Variants in SMG1 observed in about 807,000 individuals in gnomAD.
SMG1 encodes the protein serine/threonine-protein kinase SMG1.
In SMG1, 22 loss-of-function variants were observed where a neutral mutation model predicts 419.9. The observed-to-expected ratio is 0.05, with a 90% CI of 0.04 to 0.07. SMG1 has a LOEUF of 0.07. Among genes scored for constraint, SMG1 ranks in the 10% least tolerant of loss-of-function variants. SMG1 has a pLI of 1.00. For synonymous variants in SMG1, 1,538 were observed against 1,553.5 expected (o/e 0.99, Z 0.23); for missense variants, 3,185 against 4,342.0 (o/e 0.73, Z 7.49).
Position 18,841,917 on chromosome 16 carries a change from A to G in SMG1, c.6467-123T>C, listed in dbSNP as rs892595509. The G allele has an allele frequency of 3.6e-6, 3 of 826,144 alleles. No homozygotes were observed. In the African/African-American group the frequency reaches 5.1e-5, roughly 14 times the overall value. The allele number at this position is 826,144 out of a possible 1,614,324, so 51.2% of individuals were successfully genotyped here. ...ACAGTCCATGAGGCACACTGAGAGCATTAAAGAATTCTATTTTGGGACAAG... is the reference window on the plus strand; with the variant it reads ...ACAGTCCATGAGGCACACTGAGAGCGTTAAAGAATTCTATTTTGGGACAAG... On this transcript the variant is annotated intron_variant, in intron 40 of 62. Transcript: ENST00000446231.
At chr16:18,907,732 G>T (rs2037621328) in intron 1 of SMG1, among the ~76,000 whole-genome samples, 1 of 148,148 alleles carries the variant, frequency 6.8e-6, no homozygotes, top group Non-Finnish European at 1.5e-5. Flanking sequence ...AGCGCCTGTA[G>T]TCCCAGCTAC....
intron 25 of SMG1, chr16:18,861,076 T>G (rs1323216689): frequency 7.0e-6 from 2 of 286,010 alleles, no homozygotes; most frequent in South Asian, 4.0e-5. Context: ...TCTCTTCAGA[T>G]CCTAACACAC....
chr16:18,914,776 AT>A (rs1277728639), intron 1 of SMG1, among the ~76,000 whole-genome samples: 1 of 152,168 alleles, frequency 6.6e-6, no homozygotes, highest in Non-Finnish European at 1.5e-5. Flanking sequence ...TTCTAATGGG[AT>A]GCCAGAAGGC....
chr16:18,849,601 G>C (rs2034478590), intron 35 of SMG1, among the ~76,000 whole-genome samples: 1 of 152,150 alleles, frequency 6.6e-6, no homozygotes, highest in African/African-American at 2.4e-5. Flanking sequence ...TCAAAGTCCA[G>C]GGCAGCTCAA....
At chr16:18,833,694 T>C (rs1246129224) in intron 50 of SMG1, among the ~76,000 whole-genome samples, 1 of 152,214 alleles carries the variant, frequency 6.6e-6, no homozygotes. Context: ...AAAATCAGCA[T>C]ACCGACTACC....
At chr16:18,893,157 G>A (rs2036959565) in intron 3 of SMG1, among the ~76,000 whole-genome samples, 1 of 152,168 alleles carries the variant, frequency 6.6e-6, no homozygotes, top group Non-Finnish European at 1.5e-5. Flanking sequence ...TCATTTCCCT[G>A]GGATGAAGTT....
intron 11 of SMG1, chr16:18,878,860 A>C (rs1001020677): frequency 6.5e-6 from 1 of 154,110 alleles, no homozygotes. Context: ...AATACAAAAA[A>C]TTAGCCAGGT....
At chr16:18,925,115 T>C (rs2038341005) in intron 1 of SMG1, 1 of 152,140 alleles carries the variant, frequency 6.6e-6, no homozygotes, top group African/African-American at 2.4e-5. Flanking sequence ...TTAGAATAAA[T>C]CAGTCCTAAA....
intron 5 of SMG1, 98 bp from the exon 6 acceptor site, chr16:18,889,683 G>C: frequency 1.7e-6 from 1 of 577,684 alleles, no homozygotes; most frequent in Non-Finnish European, 3.1e-6. Context: ...GTCTTAAGTG[G>C]TTTTTTAAAT....
Position 18,811,928 on chromosome 16 carries a change from T to A in SMG1, c.10801+20A>T. ...TCATTTTATATAAAAATTTAAGGCA[T>A]CTTTATTCTAACTAATTACCTTTCC... On this transcript the variant is annotated intron_variant, in intron 61 of 62. Coordinates refer to ENST00000446231, the MANE Select transcript of SMG1 (RefSeq NM_015092.5). 1 of 1,613,002 alleles carries A rather than the reference T, an allele frequency of 6.2e-7. No individual in the cohort carries two copies. Among genetic ancestry groups the A allele is most frequent in the Non-Finnish European group, 8.5e-7 (1 of 1,179,538 alleles).
chr16:18,850,395 G>A lies in SMG1; in HGVS notation c.5125C>T (p.Arg1709Cys), dbSNP rs369899659. The A allele has an allele frequency of 5.6e-6, 9 of 1,613,726 alleles. No homozygotes were observed. Among genetic ancestry groups the A allele is most frequent in the African/African-American group, 2.7e-5 (2 of 74,904 alleles). ...EEDDMVDVIW[R>C]QLISSCPWLS... ...CATGGGCAGCTTGATATCAACTGAC[G>A]CCAGATAACATCAACCATGTCATCT... Residue 1709 changes from arginine (R) to cysteine (C), a missense_variant, in exon 34 of 63, where the codon CGT becomes TGT. By Grantham distance (180) the Arg-to-Cys change is radical. Transcript: ENST00000446231.
chr16:18,916,254 G>T (rs1034632112), intron 1 of SMG1, among the ~76,000 whole-genome samples: 6 of 151,500 alleles, frequency 4.0e-5, no homozygotes, highest in Non-Finnish European at 8.8e-5. Context: ...GGTGGCTCAC[G>T]CCTGTAATCC....
Position 18,836,211 on chromosome 16 carries a change from A to C in SMG1, c.7779T>G (p.Gly2593=). 2 of 1,611,022 alleles carry C rather than the reference A, an allele frequency of 1.2e-6. No homozygotes were observed. Among genetic ancestry groups the C allele is most frequent in the South Asian group, 2.2e-5 (2 of 90,722 alleles). The change falls in exon 48 of 63, where the codon GGT becomes GGG. Residue 2593 remains glycine (G), a splice_region_variant and synonymous_variant. Transcript: ENST00000446231. ...LQEISTQMDL[G]PPSYVPATAF... ...CTGTTGCTGGCACGTAACTTGGAGG[A>C]CCTTTTGGTAAAAGACATTATTAAA...
intron 1 of SMG1, among the ~76,000 whole-genome samples, chr16:18,907,606 T>C (rs766017792): frequency 4.6e-5 from 7 of 151,978 alleles, no homozygotes; most frequent in Non-Finnish European, 8.8e-5. Context: ...TCCCAGCACT[T>C]TGGGAGGCCG....
In SMG1 at chr16:18,845,624, C is replaced by A; in HGVS notation, c.6024G>T (p.Glu2008Asp). 6.2e-7 allele frequency: 1 copy of A among 1,610,364 alleles called. No individual in the cohort carries two copies. The highest frequency in any genetic ancestry group is 1.1e-5 in the South Asian group (1 of 90,874). ...RKEEKIAIMR[E>D]KHTALMKPIV... Reference sequence around the variant, plus strand: ...TGGGCTTCATCAAAGCTGTGTGCTTCTCCCTCATGATTGCAATTTTCTCTT... The same window carrying A: ...TGGGCTTCATCAAAGCTGTGTGCTTATCCCTCATGATTGCAATTTTCTCTT... Residue 2008 changes from glutamate (E) to aspartate (D), a missense_variant, in exon 39 of 63, where the codon GAG (glutamate) becomes GAT (aspartate). Coordinates refer to ENST00000446231, the MANE Select transcript of SMG1 (RefSeq NM_015092.5).
At chr16:18,916,106 A>C (rs2141995793) in intron 1 of SMG1, among the ~76,000 whole-genome samples, 1 of 150,136 alleles carries the variant, frequency 6.7e-6, no homozygotes, top group South Asian at 2.1e-4. Flanking sequence ...AAAAAAAAAA[A>C]ACCACCACCA....
At chr16:18,876,770 G>A (rs998964450) in intron 12 of SMG1, among the ~76,000 whole-genome samples, 5 of 151,400 alleles carry the variant, frequency 3.3e-5, no homozygotes, top group African/African-American at 9.7e-5. Context: ...ATTTGACTAG[G>A]GGGTGGTTGA....
At chr16:18,865,024 G>A (rs1349511861) in intron 23 of SMG1, among the ~76,000 whole-genome samples, 1 of 152,146 alleles carries the variant, frequency 6.6e-6, no homozygotes. Context: ...TTTGTAGAAG[G>A]ATAAAATCCA....
chr16:18,842,027 T>C (rs2270849), intron 40 of SMG1, among the ~76,000 whole-genome samples, 181 bp downstream of exon 40: 43,593 of 152,028 alleles, frequency 0.29, 7,482 homozygotes, highest in Non-Finnish European at 0.38. Context: ...GGGTGGAAAA[T>C]CTTTCTGCAC....
Sources: allele counts gnomAD v4.1 joint callset (sites outside exome capture counted in the v4.1 genomes callset), GRCh38; gene constraint gnomAD v4.1.1; transcripts MANE v1.5; gene names NCBI Gene and HGNC (gene_info 2026-07-23, HGNC 2026-07-21).